Variants in SGK1 observed in about 807,000 individuals in gnomAD.
The protein encoded by SGK1 is serum/glucocorticoid regulated kinase 1, also known as serine/threonine-protein kinase Sgk1.
Under a neutral mutation model 64.2 loss-of-function variants are expected in SGK1, and 26 were observed. The ratio of observed to expected loss-of-function variants is 0.40; its 90% CI spans 0.30 to 0.56. The LOEUF is 0.56. Ranked by LOEUF, SGK1 falls within the 20% of genes least tolerant of loss-of-function variation. SGK1 has a pLI of 0.38. For missense variants in SGK1, 519 were observed against 645.6 expected (o/e 0.80, Z 2.12); for synonymous variants, 265 against 239.7 (o/e 1.11, Z -0.98).
chr6:134,289,275 A>C (rs1777228672), intron 1 of SGK1, among the ~76,000 whole-genome samples: 1 of 152,206 alleles, frequency 6.6e-6, no homozygotes, highest in Non-Finnish European at 1.5e-5. Flanking sequence ...AAAATTGCAA[A>C]GTATTTCTTT....
intron 1 of SGK1, among the ~76,000 whole-genome samples, chr6:134,273,950 C>T (rs999341489): frequency 2.0e-5 from 3 of 152,090 alleles, no homozygotes; most frequent in Non-Finnish European, 4.4e-5. Context: ...TGAGCCGCTG[C>T]ACCCAGCTCA....
At chr6:134,212,418 A>C (rs1410157455) in intron 2 of SGK1, among the ~76,000 whole-genome samples, 1 of 152,182 alleles carries the variant, frequency 6.6e-6, no homozygotes, top group Non-Finnish European at 1.5e-5. Flanking sequence ...ATGAAATAAT[A>C]TCTCAAATAT....
At chr6:134,276,044 C>A (rs550096740) in intron 1 of SGK1, among the ~76,000 whole-genome samples, 1 of 152,238 alleles carries the variant, frequency 6.6e-6, no homozygotes, top group East Asian at 1.9e-4. Context: ...TTTATAATTT[C>A]TTCTGTGTGT....
intron 5 of SGK1, 67 bp downstream of exon 5, chr6:134,173,938 T>G: frequency 9.5e-7 from 1 of 1,054,740 alleles, no homozygotes; most frequent in Non-Finnish European, 1.4e-6. Context: ...TTTAATCCAT[T>G]AATGTAGGAA....
rs977320157 is a variant in SGK1 at position 134,204,995 on chromosome 6, G to GTTTCTCTCTTTCTCTC, written c.361+2345_361+2360dup. 4.1e-5 allele frequency among the ~76,000 whole-genome samples: 5 copies of GTTTCTCTCTTTCTCTC among 120,988 alleles called. No individual in the cohort carries two copies. In the East Asian group the frequency reaches 1.2e-3, roughly 28 times the overall value. 79.4% of individuals were successfully genotyped at this position (120,988 alleles called of 152,430 possible). On this transcript the variant is annotated intron_variant, in intron 3 of 13. Transcript: ENST00000367858. ...TTTTTCTTTCTTTCTTTCTTTCTCT[G>GTTTCTCTCTTTCTCTC]TTTCTCTCTTTCTCTCTTTCAGTGA...
At position 134,207,346 on chromosome 6, in the gene SGK1, C is replaced by A; in HGVS notation, c.361+10G>T. 6.3e-7 allele frequency: 1 copy of A among 1,583,004 alleles called. No homozygotes were observed. The highest frequency in any genetic ancestry group is 1.1e-5 in the South Asian group (1 of 89,714). ...ATAACAGGAAACAGGTTGTATTTTTCCAATAATACCTGGATCATCATTAGT... is the reference window on the plus strand; with the variant it reads ...ATAACAGGAAACAGGTTGTATTTTTACAATAATACCTGGATCATCATTAGT... On this transcript the variant is annotated intron_variant, in intron 3 of 13. Coordinates refer to ENST00000367858, the MANE Select transcript of SGK1 (RefSeq NM_001143676.3).
chr6:134,247,929 A>T (rs145845604), intron 2 of SGK1, among the ~76,000 whole-genome samples: 2 of 152,304 alleles, frequency 1.3e-5, no homozygotes, highest in African/African-American at 4.8e-5. Context: ...ATTATGCAAC[A>T]TCATGAAAAT....
At chr6:134,234,811 G>A (rs1776338497) in intron 2 of SGK1, among the ~76,000 whole-genome samples, 1 of 152,210 alleles carries the variant, frequency 6.6e-6, no homozygotes, top group South Asian at 2.1e-4. Context: ...GGGAGGTGGA[G>A]GTTGCAGTGA....
Position 134,172,183 on chromosome 6 carries a change from C to T in SGK1, c.1071+10G>A, listed in dbSNP as rs770231829. ...GGGTAAACCAGGCACCAAACCAAGA[C>T]AGCGCCTACCTCCGGCGTGCCACAG... is the stretch of plus-strand genomic sequence containing the variant. On this transcript the variant is annotated intron_variant, in intron 10 of 13. Coordinates refer to ENST00000367858, the MANE Select transcript of SGK1 (RefSeq NM_001143676.3). 4 of 1,613,092 alleles carry T rather than the reference C, an allele frequency of 2.5e-6. No homozygotes were observed. The highest frequency in any genetic ancestry group is 1.1e-5 in the South Asian group (1 of 90,906).
chr6:134,212,019 C>G (rs542594030), intron 2 of SGK1, among the ~76,000 whole-genome samples: 8 of 151,520 alleles, frequency 5.3e-5, no homozygotes, highest in African/African-American at 1.7e-4. Context: ...AATCTGGGTC[C>G]TTGAAACTTT....
intron 3 of SGK1, among the ~76,000 whole-genome samples, chr6:134,194,196 A>G (rs957920580): frequency 6.6e-6 from 1 of 151,700 alleles, no homozygotes; most frequent in African/African-American, 2.4e-5. Flanking sequence ...CATCAATGTT[A>G]TAACGACATG....
chr6:134,307,127 G>A (rs1415201530), intron 1 of SGK1, among the ~76,000 whole-genome samples: 2 of 152,158 alleles, frequency 1.3e-5, no homozygotes, highest in Non-Finnish European at 2.9e-5. Context: ...GATCAGTTCT[G>A]AAGGGTTAAT....
intron 2 of SGK1, among the ~76,000 whole-genome samples, chr6:134,254,613 C>A (rs887623789): frequency 2.0e-5 from 3 of 152,150 alleles, no homozygotes; most frequent in Non-Finnish European, 4.4e-5. Flanking sequence ...CTCATCTCCT[C>A]CACCTAATCA....
intron 2 of SGK1, chr6:134,260,350 CCT>C (rs1776745546): frequency 7.2e-6 from 1 of 138,190 alleles, no homozygotes; most frequent in Non-Finnish European, 1.6e-5. Context: ...ACTCTGTCCC[CCT>C]GTCTCCCTGT....
intron 2 of SGK1, among the ~76,000 whole-genome samples, chr6:134,227,297 G>C (rs566990471): frequency 2.0e-5 from 3 of 152,206 alleles, no homozygotes; most frequent in African/African-American, 7.2e-5. Context: ...ACCATGCCTG[G>C]CTAATTTTTG....
chr6:134,188,258 T>C (rs1775454234), intron 3 of SGK1, among the ~76,000 whole-genome samples: 1 of 152,038 alleles, frequency 6.6e-6, no homozygotes, highest in Admixed American at 6.6e-5. Context: ...TATTCACAGA[T>C]CACTTCCCCA....
At chr6:134,253,426 G>A (rs930603626) in intron 2 of SGK1, among the ~76,000 whole-genome samples, 3 of 151,548 alleles carry the variant, frequency 2.0e-5, no homozygotes, top group Non-Finnish European at 4.4e-5. Flanking sequence ...GAGCCACCGC[G>A]CCCAGCTGAG....
chr6:134,276,101 T>C (rs1361791768), intron 1 of SGK1, among the ~76,000 whole-genome samples: 1 of 152,218 alleles, frequency 6.6e-6, no homozygotes, highest in Admixed American at 6.5e-5. Context: ...CTGTGTTCAC[T>C]TTGTGTTGAA....
intron 3 of SGK1, among the ~76,000 whole-genome samples, chr6:134,181,458 C>A (rs2114654027): frequency 6.6e-6 from 1 of 152,258 alleles, no homozygotes; most frequent in South Asian, 2.1e-4. Context: ...AATTCTCCCG[C>A]CTCAGCCTCC....
Sources: allele counts gnomAD v4.1 joint callset (sites outside exome capture counted in the v4.1 genomes callset), GRCh38; gene constraint gnomAD v4.1.1; transcripts MANE v1.5; gene names NCBI Gene and HGNC (gene_info 2026-07-23, HGNC 2026-07-21).